The following DCDC2 variants were observed in gnomAD, a reference collection of about 807,000 sequenced individuals.
The protein encoded by DCDC2 is doublecortin domain-containing protein 2.
A neutral mutation model predicts 50.2 loss-of-function variants in DCDC2; 40 were observed. The observed-to-expected ratio is 0.80, with a 90% CI of 0.62 to 1.04. The LOEUF (loss-of-function observed/expected upper bound fraction) is 1.04. Among genes scored for constraint, DCDC2 ranks in the 50% least tolerant of loss-of-function variants. The pLI, the probability that DCDC2 is intolerant of heterozygous loss-of-function variation, is 0.00. For missense variants in DCDC2, 570 were observed against 581.9 expected (o/e 0.98, Z 0.21); for synonymous variants, 234 against 210.6 (o/e 1.11, Z -0.96).
At chr6:24,351,526 G>T (rs1760372231) in intron 2 of DCDC2, among the ~76,000 whole-genome samples, 1 of 152,130 alleles carries the variant, frequency 6.6e-6, no homozygotes, top group Admixed American at 6.5e-5. Flanking sequence ...GGGTTTATGG[G>T]TAAGGACTGA....
chr6:24,290,599 C>A (rs1763723537), intron 5 of DCDC2, among the ~76,000 whole-genome samples: 1 of 152,074 alleles, frequency 6.6e-6, no homozygotes, highest in Non-Finnish European at 1.5e-5. Flanking sequence ...TATTAAGACA[C>A]AAAAACTTCT....
At chr6:24,237,558 C>G (rs1441448311) in intron 7 of DCDC2, among the ~76,000 whole-genome samples, 7 of 152,162 alleles carry the variant, frequency 4.6e-5, no homozygotes, top group African/African-American at 1.7e-4. Context: ...AACCAGTAAT[C>G]CCATTACTGG....
intron 6 of DCDC2, among the ~76,000 whole-genome samples, chr6:24,285,615 T>C (rs1170708466): frequency 2.0e-5 from 3 of 152,186 alleles, no homozygotes; most frequent in African/African-American, 7.2e-5. Context: ...ATGACATTGA[T>C]GTATCACAGT....
intron 7 of DCDC2, among the ~76,000 whole-genome samples, chr6:24,264,634 C>CA (rs965476197): frequency 6.0e-5 from 9 of 150,828 alleles, no homozygotes; most frequent in Non-Finnish European, 1.2e-4. Context: ...AACAGATATA[C>CA]AAAAAAACAA....
chr6:24,232,004 T>TACACACAC (rs57865332), intron 7 of DCDC2, among the ~76,000 whole-genome samples: 2 of 148,516 alleles, frequency 1.3e-5, no homozygotes, highest in African/African-American at 2.5e-5. Flanking sequence ...CATATATATA[T>TACACACAC]ACACACACAC....
chr6:24,295,616 C>T (rs754796137), intron 4 of DCDC2, among the ~76,000 whole-genome samples: 2 of 152,118 alleles, frequency 1.3e-5, no homozygotes, highest in African/African-American at 2.4e-5. Context: ...GAAATAACTT[C>T]AGAAAAGTTT....
chr6:24,211,316 AG>A (rs780980193), intron 7 of DCDC2, among the ~76,000 whole-genome samples: 1 of 152,210 alleles, frequency 6.6e-6, no homozygotes, highest in Non-Finnish European at 1.5e-5. Flanking sequence ...GGTAGAGAGG[AG>A]AACAAAGGGA....
At chr6:24,331,078 T>C (rs909404703) in intron 2 of DCDC2, among the ~76,000 whole-genome samples, 4 of 152,168 alleles carry the variant, frequency 2.6e-5, no homozygotes, top group African/African-American at 9.7e-5. Flanking sequence ...CTTCCTGGCA[T>C]CTTCCTTCTT....
chr6:24,218,419 C>G (rs1325014959), intron 7 of DCDC2, among the ~76,000 whole-genome samples: 1 of 152,104 alleles, frequency 6.6e-6, no homozygotes, highest in African/African-American at 2.4e-5. Context: ...TAGATTTGTT[C>G]TCTATCTATA....
rs567247806 is a variant in DCDC2 at position 24,218,473 on chromosome 6, T to C, written c.923-13371A>G. On this transcript the variant is annotated intron_variant, in intron 7 of 9. Transcript: ENST00000378454. ...TGTATTTTAGAAAAGATAAAATACA[T>C]ACCATTTTATCTGTCAGTTTTGTTT... Among the ~76,000 whole-genome samples the C allele has an allele frequency of 1.5e-3, 229 of 152,298 alleles. 3 individuals are homozygous for C. Among genetic ancestry groups the C allele is most frequent in the Middle Eastern group, 6.8e-3 (2 of 294 alleles).
At chr6:24,198,368 TG>T (rs1761493944) in intron 8 of DCDC2, among the ~76,000 whole-genome samples, 1 of 151,832 alleles carries the variant, frequency 6.6e-6, no homozygotes, top group African/African-American at 2.4e-5. Flanking sequence ...TGAAGCAGGG[TG>T]GGGGGCACTG....
chr6:24,279,885 G>A (rs573266907), intron 6 of DCDC2, among the ~76,000 whole-genome samples: 1 of 152,322 alleles, frequency 6.6e-6, no homozygotes, highest in Non-Finnish European at 1.5e-5. Flanking sequence ...CTTATGGAGT[G>A]ACTAGTACAG....
intron 8 of DCDC2, among the ~76,000 whole-genome samples, chr6:24,181,956 T>C (rs1051225097): frequency 6.6e-6 from 1 of 152,176 alleles, no homozygotes; most frequent in Non-Finnish European, 1.5e-5. Flanking sequence ...GGTCCTGGAA[T>C]TAAGACAGAT....
At chr6:24,286,584 C>A (rs1453760198) in intron 6 of DCDC2, among the ~76,000 whole-genome samples, 2 of 141,778 alleles carry the variant, frequency 1.4e-5, no homozygotes, top group African/African-American at 5.6e-5. Flanking sequence ...CAGAGTGAGA[C>A]CCTGTCTCAA....
chr6:24,230,663 C>G (rs560210138), intron 7 of DCDC2, among the ~76,000 whole-genome samples: 20 of 152,156 alleles, frequency 1.3e-4, no homozygotes, highest in African/African-American at 4.8e-4. Context: ...CAAAACAAAA[C>G]ATAACAAAAA....
At chr6:24,353,469 A>G (rs1760408781) in intron 2 of DCDC2, 100 bp downstream of exon 2, 1 of 712,998 alleles carries the variant, frequency 1.4e-6, no homozygotes, top group Non-Finnish European at 2.5e-6. Context: ...TACATTAGAG[A>G]ACTCATCAAA....
intron 6 of DCDC2, among the ~76,000 whole-genome samples, chr6:24,283,392 C>T (rs180823056): frequency 2.6e-5 from 4 of 152,190 alleles, no homozygotes; most frequent in Admixed American, 6.5e-5. Flanking sequence ...AACTCAGTTA[C>T]GCACCAGCAG....
At chr6:24,381,865 T>G in the DCDC2 span, among the ~76,000 whole-genome samples, 130,848 of 134,612 alleles carry the variant, frequency 0.97, 63,567 homozygotes, top group East Asian at 0.99. Flanking sequence ...GAAGGAGAAA[T>G]AAAAGAAAGA....
intron 6 of DCDC2, among the ~76,000 whole-genome samples, chr6:24,281,065 T>G (rs1763458828): frequency 6.6e-6 from 1 of 151,976 alleles, no homozygotes; most frequent in South Asian, 2.1e-4. Flanking sequence ...CACTCTGGAG[T>G]GCGTGTCTTT....
Sources: allele counts gnomAD v4.1 joint callset (sites outside exome capture counted in the v4.1 genomes callset), GRCh38; gene constraint gnomAD v4.1.1; transcripts MANE v1.5; gene names NCBI Gene and HGNC (gene_info 2026-07-23, HGNC 2026-07-21).